ADCY5: variants seen among roughly 807,000 people sequenced by gnomAD.
The protein encoded by ADCY5 is adenylate cyclase 5.
In ADCY5, 30 loss-of-function variants were observed where a neutral mutation model predicts 119.7. The observed-to-expected ratio is 0.25, with a 90% CI of 0.19 to 0.34. The LOEUF (loss-of-function observed/expected upper bound fraction) is 0.34, where lower values mean the gene tolerates loss of function less well. Among genes scored for constraint, ADCY5 ranks in the 10% least tolerant of loss-of-function variants. The pLI is 1.00. For synonymous variants in ADCY5, 753 were observed against 762.2 expected (o/e 0.99, Z 0.20); for missense variants, 1,324 against 1,775.2 (o/e 0.75, Z 4.57).
intron 1 of ADCY5, among the ~76,000 whole-genome samples, chr3:123,400,869 G>C (rs1393376695): frequency 6.6e-6 from 1 of 151,978 alleles, no homozygotes; most frequent in Non-Finnish European, 1.5e-5. Flanking sequence ...GCTTGAACCT[G>C]GGAGGTGGAG....
chr3:123,380,578 C>T (rs1283726879), intron 1 of ADCY5, among the ~76,000 whole-genome samples: 1 of 152,166 alleles, frequency 6.6e-6, no homozygotes, highest in Non-Finnish European at 1.5e-5. Flanking sequence ...AGAGCCTAGG[C>T]CACCTCCACT....
intron 3 of ADCY5, among the ~76,000 whole-genome samples, chr3:123,333,565 C>T (rs1223815211): frequency 6.6e-6 from 1 of 152,258 alleles, no homozygotes; most frequent in Non-Finnish European, 1.5e-5. Context: ...TATCCTCCTT[C>T]TGTGCTCTAA....
chr3:123,329,526 G>A (rs1235463267), intron 5 of ADCY5, among the ~76,000 whole-genome samples: 1 of 152,168 alleles, frequency 6.6e-6, no homozygotes, highest in Non-Finnish European at 1.5e-5. Context: ...ACATCTCCAG[G>A]TGCATGTCTG....
rs777615497 is a variant in ADCY5, at chr3:123,319,847, C to A, written c.2112-29G>T. On this transcript the variant is annotated intron_variant, in intron 9 of 20. Coordinates refer to ENST00000462833, the MANE Select transcript of ADCY5 (RefSeq NM_183357.3). ...GGGAGCAGAAGGCACGGGCGTGAGACAGGCTGACCACAGGGGCACCAGCAG... is the reference window on the plus strand; with the variant it reads ...GGGAGCAGAAGGCACGGGCGTGAGAAAGGCTGACCACAGGGGCACCAGCAG... The A allele has an allele frequency of 6.2e-6, 10 of 1,607,006 alleles. No individual in the cohort carries two copies. In the Middle Eastern group the frequency reaches 6.7e-4, roughly 108 times the overall value.
At chr3:123,325,291 T>A (rs748891011) in intron 8 of ADCY5, 31 bp downstream of exon 8, 2 of 1,612,868 alleles carry the variant, frequency 1.2e-6, no homozygotes, top group African/African-American at 2.7e-5. Context: ...TTGGAGAGTG[T>A]TGCCCACAGG....
chr3:123,424,772 A>C (rs1199439692), intron 1 of ADCY5, among the ~76,000 whole-genome samples: 2 of 152,084 alleles, frequency 1.3e-5, no homozygotes, highest in South Asian at 2.1e-4. Flanking sequence ...GTGTGCGCGC[A>C]TGCACGCACG....
intron 1 of ADCY5, among the ~76,000 whole-genome samples, chr3:123,367,705 G>A (rs1943495567): frequency 6.6e-6 from 1 of 152,232 alleles, no homozygotes; most frequent in South Asian, 2.1e-4. Context: ...CCTGAACTCG[G>A]AGTTCTGGTT....
chr3:123,395,843 C>T (rs963945500), intron 1 of ADCY5, among the ~76,000 whole-genome samples: 7 of 150,454 alleles, frequency 4.7e-5, no homozygotes, highest in African/African-American at 1.7e-4. Context: ...TGATTTCACC[C>T]CTGCACTCCA....
chr3:123,351,941 GA>G (rs1259244728), intron 2 of ADCY5, among the ~76,000 whole-genome samples: 1 of 152,164 alleles, frequency 6.6e-6, no homozygotes, highest in Non-Finnish European at 1.5e-5. Context: ...CCAAACCCCA[GA>G]ACTCAGAGAG....
In ADCY5 at chr3:123,445,467, G is replaced by C. The variant is rs143989476; in HGVS notation, c.1134+1945C>G. Among the ~76,000 whole-genome samples the C allele has an allele frequency of 2.7e-3, 407 of 151,592 alleles. 2 individuals are homozygous for C. Among genetic ancestry groups the C allele is most frequent in the African/African-American group, 8.6e-3 (355 of 41,316 alleles). ...TTCACAAAATACCCTGAACTATCCTGAAAATCTCCATATGGATGACATGCC... is the reference window on the plus strand; with the variant it reads ...TTCACAAAATACCCTGAACTATCCTCAAAATCTCCATATGGATGACATGCC... On this transcript the variant is annotated intron_variant, in intron 1 of 20. Transcript: ENST00000462833.
At chr3:123,369,670 G>T (rs1943565856) in intron 1 of ADCY5, among the ~76,000 whole-genome samples, 1 of 152,248 alleles carries the variant, frequency 6.6e-6, no homozygotes, top group Non-Finnish European at 1.5e-5. Flanking sequence ...TCTTGGAAAG[G>T]CCTGGTGAAC....
rs1251064462 is a variant in ADCY5, at chr3:123,362,192, T to C, written c.1135-9611A>G. Among the ~76,000 whole-genome samples the C allele has an allele frequency of 3.3e-5, 5 of 152,326 alleles. No individual in the cohort carries two copies. In the East Asian group the frequency reaches 9.6e-4, roughly 29 times the overall value. Reference sequence around the variant, plus strand: ...CTTGGGGATATATCTAGGAGCAGAATTGCTGGGTCACACGGCAACTCTATG... The same window carrying C: ...CTTGGGGATATATCTAGGAGCAGAACTGCTGGGTCACACGGCAACTCTATG... On this transcript the variant is annotated intron_variant, in intron 1 of 20. Coordinates refer to ENST00000462833, the MANE Select transcript of ADCY5 (RefSeq NM_183357.3).
chr3:123,344,210 AT>A (rs1942419955), intron 3 of ADCY5, among the ~76,000 whole-genome samples: 1 of 151,768 alleles, frequency 6.6e-6, no homozygotes, highest in Non-Finnish European at 1.5e-5. Flanking sequence ...GAGTTGATTT[AT>A]TTTTCTTGTG....
At chr3:123,307,062 G>A (rs1280863916) in intron 12 of ADCY5, among the ~76,000 whole-genome samples, 1 of 152,034 alleles carries the variant, frequency 6.6e-6, no homozygotes, top group Non-Finnish European at 1.5e-5. Context: ...GTAGATGAGT[G>A]GTTGCTGGGG....
chr3:123,442,458 T>C (rs1210536321), intron 1 of ADCY5, among the ~76,000 whole-genome samples: 2 of 152,238 alleles, frequency 1.3e-5, no homozygotes, highest in Non-Finnish European at 2.9e-5. Context: ...GAGGGACTCA[T>C]GGCCAGAGCT....
intron 1 of ADCY5, among the ~76,000 whole-genome samples, chr3:123,413,071 G>A (rs995552574): frequency 6.6e-6 from 1 of 152,166 alleles, no homozygotes; most frequent in Non-Finnish European, 1.5e-5. Flanking sequence ...TCATGACGCC[G>A]GCTCCTCCGG....
chr3:123,400,268 T>C (rs754518850), intron 1 of ADCY5, among the ~76,000 whole-genome samples: 1 of 152,174 alleles, frequency 6.6e-6, no homozygotes, highest in East Asian at 1.9e-4. Flanking sequence ...TCCTCATCTG[T>C]GCTACAAGCA....
chr3:123,285,119 G>A (rs1163606032), intron 20 of ADCY5, among the ~76,000 whole-genome samples: 1 of 152,202 alleles, frequency 6.6e-6, no homozygotes, highest in East Asian at 1.9e-4. Flanking sequence ...GTCTCCAAGT[G>A]TGTCCCCGGT....
At chr3:123,337,118 T>C (rs745309428) in intron 3 of ADCY5, among the ~76,000 whole-genome samples, 2 of 152,230 alleles carry the variant, frequency 1.3e-5, no homozygotes, top group Non-Finnish European at 2.9e-5. Flanking sequence ...TCTGTCTATC[T>C]CCCTTCTCCA....
Sources: allele counts gnomAD v4.1 joint callset (sites outside exome capture counted in the v4.1 genomes callset), GRCh38; gene constraint gnomAD v4.1.1; transcripts MANE v1.5; gene names NCBI Gene and HGNC (gene_info 2026-07-23, HGNC 2026-07-21).